The following ANKS1B variants were observed in gnomAD, a reference collection of about 807,000 sequenced individuals.
ANKS1B encodes the protein ankyrin repeat and sterile alpha motif domain-containing protein 1B.
Under a neutral mutation model 148.3 loss-of-function variants are expected in ANKS1B, and 36 were observed. That is an observed-to-expected ratio of 0.24 (90% CI 0.19 to 0.32). The LOEUF (loss-of-function observed/expected upper bound fraction) is 0.32. Ranked by LOEUF, ANKS1B falls within the 10% of genes least tolerant of loss-of-function variation. ANKS1B has a pLI of 1.00. For missense variants in ANKS1B, 1,157 were observed against 1,542.6 expected, an observed-to-expected ratio of 0.75 and a Z score of 4.19; for synonymous variants, 542 against 560.8, an observed-to-expected ratio of 0.97 and a Z score of 0.47.
chr12:99,767,306 T>G (rs1218030173), intron 8 of ANKS1B, among the ~76,000 whole-genome samples: 1 of 152,090 alleles, frequency 6.6e-6, no homozygotes, highest in Non-Finnish European at 1.5e-5. Flanking sequence ...ATGCTGCTTG[T>G]GTCAAGAGAA....
chr12:99,609,890 G>A (rs1455071090), intron 9 of ANKS1B, among the ~76,000 whole-genome samples: 1 of 152,024 alleles, frequency 6.6e-6, no homozygotes, highest in Non-Finnish European at 1.5e-5. Context: ...TTCTCAACCA[G>A]GCATTATAGA....
chr12:99,648,748 T>C (rs755860391), intron 9 of ANKS1B: 24 of 1,613,520 alleles, frequency 1.5e-5, no homozygotes, highest in East Asian at 6.7e-5. Context: ...TGGGAACACA[T>C]TGGACTCATC....
Position 99,610,727 on chromosome 12 carries a change from T to C in ANKS1B, c.1272+44340A>G, listed in dbSNP as rs556303598. Among the ~76,000 whole-genome samples, 9 of 152,170 alleles carry C rather than the reference T, an allele frequency of 5.9e-5. No individual in the cohort carries two copies. In the East Asian group the frequency reaches 1.7e-3, roughly 29 times the overall value. ...TTTTCTGAGCCCCAACAATCCTAAT[T>C]TGAAAAGTTAATTTATAGGATTCAA... On this transcript the variant is annotated intron_variant, in intron 9 of 26. Transcript: ENST00000683438.
At chr12:98,898,363 A>G (rs1221445576) in intron 17 of ANKS1B, among the ~76,000 whole-genome samples, 1 of 152,208 alleles carries the variant, frequency 6.6e-6, no homozygotes, top group Non-Finnish European at 1.5e-5. Flanking sequence ...AAAACATTAA[A>G]TAATTCACAG....
At chr12:99,188,689 T>A (rs1396667637) in intron 14 of ANKS1B, among the ~76,000 whole-genome samples, 1 of 152,178 alleles carries the variant, frequency 6.6e-6, no homozygotes, top group African/African-American at 2.4e-5. Context: ...GGGACATAGC[T>A]AAAGCACTGT....
At chr12:99,598,666 CAG>C (rs1270512004) in intron 9 of ANKS1B, among the ~76,000 whole-genome samples, 2 of 152,064 alleles carry the variant, frequency 1.3e-5, no homozygotes, top group African/African-American at 4.8e-5. Context: ...AAAAGTTTCA[CAG>C]AGTGTGCTCT....
intron 1 of ANKS1B, among the ~76,000 whole-genome samples, chr12:99,891,912 A>T (rs1240575419): frequency 6.6e-6 from 1 of 152,204 alleles, no homozygotes; most frequent in Non-Finnish European, 1.5e-5. Context: ...TATATAAAAG[A>T]TTGGCCATAT....
At chr12:99,541,443 T>C (rs2097125247) in intron 9 of ANKS1B, among the ~76,000 whole-genome samples, 1 of 152,136 alleles carries the variant, frequency 6.6e-6, no homozygotes, top group Non-Finnish European at 1.5e-5. Context: ...ACCAAGTGCC[T>C]CAGGAATACT....
At chr12:99,731,008 C>T (rs2059090264) in intron 8 of ANKS1B, among the ~76,000 whole-genome samples, 1 of 152,196 alleles carries the variant, frequency 6.6e-6, no homozygotes, top group Admixed American at 6.5e-5. Flanking sequence ...GTTATCTCCG[C>T]TCACTGCAAC....
chr12:99,347,546 G>A (rs2090874351), intron 12 of ANKS1B, among the ~76,000 whole-genome samples: 1 of 152,082 alleles, frequency 6.6e-6, no homozygotes. Flanking sequence ...CAAAGACTGA[G>A]AGAGTTTTTG....
chr12:99,358,370 T>C (rs1157523021), intron 12 of ANKS1B, among the ~76,000 whole-genome samples: 1 of 152,120 alleles, frequency 6.6e-6, no homozygotes, highest in African/African-American at 2.4e-5. Context: ...ATTCTCAATA[T>C]CATTTGTATA....
chr12:99,897,714 C>A (rs189919293), intron 1 of ANKS1B, among the ~76,000 whole-genome samples: 1 of 150,746 alleles, frequency 6.6e-6, no homozygotes, highest in Non-Finnish European at 1.5e-5. Flanking sequence ...AGAACAAGGA[C>A]GGGGAGCCAT....
intron 9 of ANKS1B, among the ~76,000 whole-genome samples, chr12:99,587,942 A>G (rs564957230): frequency 6.6e-6 from 1 of 152,324 alleles, no homozygotes; most frequent in Admixed American, 6.5e-5. Flanking sequence ...AAAAAGTGTT[A>G]CAGAAGACAA....
chr12:99,210,078 T>C (rs930211876), intron 14 of ANKS1B, among the ~76,000 whole-genome samples: 6 of 152,000 alleles, frequency 3.9e-5, no homozygotes, highest in African/African-American at 1.4e-4. Flanking sequence ...CCCTCTCAGG[T>C]TTAGTCTCCA....
At chr12:99,782,845 A>G (rs756327359) in intron 4 of ANKS1B, among the ~76,000 whole-genome samples, 31 of 152,300 alleles carry the variant, frequency 2.0e-4, no homozygotes, top group Middle Eastern at 6.8e-3. Context: ...TTGACTTCCA[A>G]TAGGGTTACC....
At chr12:98,878,374 AAAACAAACAAAC>A (rs3051082) in intron 17 of ANKS1B, among the ~76,000 whole-genome samples, 1 of 150,302 alleles carries the variant, frequency 6.7e-6, no homozygotes, top group African/African-American at 2.5e-5. Context: ...ACCCTGTCTC[AAAACAAACAAAC>A]AAACAAACAA....
intron 26 of ANKS1B, among the ~76,000 whole-genome samples, chr12:98,746,582 C>T (rs925935340): frequency 2.0e-5 from 3 of 152,188 alleles, no homozygotes; most frequent in Non-Finnish European, 4.4e-5. Flanking sequence ...TGCCGCTATG[C>T]GTCATCACAT....
chr12:99,055,722 G>T (rs2099969227), intron 16 of ANKS1B, among the ~76,000 whole-genome samples: 1 of 9,184 alleles, frequency 1.1e-4, no homozygotes, highest in African/African-American at 2.7e-4. Flanking sequence ...GTCTAAACTT[G>T]GGGGGGGGGG....
At chr12:99,632,433 T>C (rs1248171712) in intron 9 of ANKS1B, among the ~76,000 whole-genome samples, 7 of 151,774 alleles carry the variant, frequency 4.6e-5, no homozygotes, top group Non-Finnish European at 7.4e-5. Flanking sequence ...CATAGGGCAG[T>C]ACCTAGTGGA....
Sources: allele counts gnomAD v4.1 joint callset (sites outside exome capture counted in the v4.1 genomes callset), GRCh38; gene constraint gnomAD v4.1.1; transcripts MANE v1.5; gene names NCBI Gene and HGNC (gene_info 2026-07-23, HGNC 2026-07-21).